DIP2C: variants seen among roughly 807,000 people sequenced by gnomAD.
DIP2C encodes the protein DIP2 acetate--CoA ligase C (putative).
A neutral mutation model predicts 192.4 loss-of-function variants in DIP2C; 33 were observed. The ratio of observed to expected loss-of-function variants is 0.17; its 90% CI spans 0.13 to 0.23. The LOEUF is 0.23. Ranked by LOEUF, DIP2C falls within the 10% of genes least tolerant of loss-of-function variation. DIP2C has a pLI of 1.00. For missense variants in DIP2C, 1,537 were observed against 2,110.1 expected (o/e 0.73, Z 5.32); for synonymous variants, 979 against 864.1 (o/e 1.13, Z -2.33).
intron 17 of DIP2C, among the ~76,000 whole-genome samples, chr10:378,550 C>T (rs1961926862): frequency 6.6e-6 from 1 of 151,734 alleles, no homozygotes; most frequent in African/African-American, 2.4e-5. Flanking sequence ...TGAACACATG[C>T]AGACACGTGA....
chr10:675,104 G>A (rs1830827748), intron 1 of DIP2C, among the ~76,000 whole-genome samples: 2 of 151,974 alleles, frequency 1.3e-5, no homozygotes, highest in African/African-American at 4.8e-5. Flanking sequence ...TTCTCAGACT[G>A]TAACAGAATA....
intron 1 of DIP2C, among the ~76,000 whole-genome samples, chr10:654,090 C>G (rs1046620289): frequency 1.3e-5 from 2 of 152,340 alleles, no homozygotes; most frequent in Middle Eastern, 3.4e-3. Flanking sequence ...AGCAGATGCA[C>G]GCACAGGCAG....
intron 29 of DIP2C, chr10:340,766 C>T (rs1564581657): frequency 2.2e-6 from 1 of 457,792 alleles, no homozygotes; most frequent in Non-Finnish European, 4.4e-6. Context: ...ACGCTCAGCC[C>T]TCGTGGACTC....
At chr10:306,802 C>A (rs1956345572) in intron 32 of DIP2C, among the ~76,000 whole-genome samples, 1 of 152,246 alleles carries the variant, frequency 6.6e-6, no homozygotes, top group Admixed American at 6.5e-5. Context: ...CTGCCCCAGT[C>A]TGGCTCTTCA....
intron 1 of DIP2C, among the ~76,000 whole-genome samples, chr10:622,841 A>C (rs914992692): frequency 3.3e-5 from 5 of 152,184 alleles, no homozygotes; most frequent in Non-Finnish European, 5.9e-5. Flanking sequence ...AAACTACTAG[A>C]TCAAGAGCTG....
intron 1 of DIP2C, among the ~76,000 whole-genome samples, chr10:677,379 C>T (rs1170385120): frequency 1.3e-5 from 2 of 152,200 alleles, no homozygotes; most frequent in African/African-American, 4.8e-5. Context: ...CTTACATTTA[C>T]TCCAACTGCC....
intron 4 of DIP2C, among the ~76,000 whole-genome samples, chr10:424,572 GC>G (rs1325476343): frequency 6.6e-6 from 1 of 151,812 alleles, no homozygotes; most frequent in Non-Finnish European, 1.5e-5. Context: ...CACCATGCTG[GC>G]CAGGCTGGTC....
chr10:321,685 C>G (rs1440791594), intron 31 of DIP2C, among the ~76,000 whole-genome samples: 1 of 15,850 alleles, frequency 6.3e-5, no homozygotes, highest in African/African-American at 4.5e-4. Flanking sequence ...GTGCGGGGCT[C>G]CGGCGAGAGA....
chr10:284,862 CAATT>C (rs1275049730), intron 34 of DIP2C, among the ~76,000 whole-genome samples: 1 of 152,114 alleles, frequency 6.6e-6, no homozygotes, highest in Admixed American at 6.5e-5. Flanking sequence ...ATAACTTTCT[CAATT>C]AACCTCATAA....
chr10:688,328 C>T (rs1478832287), intron 1 of DIP2C, among the ~76,000 whole-genome samples: 2 of 152,162 alleles, frequency 1.3e-5, no homozygotes, highest in Non-Finnish European at 2.9e-5. Context: ...TACCATTTCC[C>T]GTCCCCAGAA....
chr10:440,508 G>C (rs1967642771), intron 4 of DIP2C, among the ~76,000 whole-genome samples: 1 of 152,166 alleles, frequency 6.6e-6, no homozygotes, highest in Non-Finnish European at 1.5e-5. Flanking sequence ...TTTATATGAA[G>C]ATTTGAGAAC....
chr10:393,090 T>TGGC (rs932512451), intron 10 of DIP2C, among the ~76,000 whole-genome samples: 1 of 151,996 alleles, frequency 6.6e-6, no homozygotes, highest in African/African-American at 2.4e-5. Flanking sequence ...CTTGGAAAGG[T>TGGC]GGCGTCGGCC....
rs545167922 is a variant in DIP2C, at chr10:579,552, T to A, written c.86-93022A>T. On this transcript the variant is annotated intron_variant, in intron 1 of 36. Coordinates refer to ENST00000280886, the MANE Select transcript of DIP2C (RefSeq NM_014974.3). ...CACATCCAGATCCATAAAGTGTACA[T>A]ACATAGGTACACTATAACACATGCG... Among the ~76,000 whole-genome samples, 4 of 152,054 alleles carry A rather than the reference T, an allele frequency of 2.6e-5. No homozygotes were observed. In the South Asian group the frequency reaches 8.3e-4, roughly 31 times the overall value.
At chr10:346,678 G>C (rs1220505747) in intron 26 of DIP2C, among the ~76,000 whole-genome samples, 102 of 115,898 alleles carry the variant, frequency 8.8e-4, no homozygotes, top group Non-Finnish European at 1.3e-3. Context: ...TCCCGGAAAC[G>C]TCACACACAC....
chr10:626,854 C>T (rs572323318), intron 1 of DIP2C, among the ~76,000 whole-genome samples: 87 of 152,348 alleles, frequency 5.7e-4, no homozygotes, highest in Non-Finnish European at 1.1e-3. Context: ...TTCACTACAA[C>T]TGTTTGGACC....
intron 7 of DIP2C, among the ~76,000 whole-genome samples, chr10:414,707 ATGTGTGTGTGTGTG>A (rs71199933): frequency 1.3e-3 from 60 of 47,826 alleles, no homozygotes; most frequent in African/African-American, 4.5e-3. Flanking sequence ...GTGTGTATGT[ATGTGTGTGTGTGTG>A]TGTGTGTGTG....
rs772854833 is a variant in DIP2C, at chr10:286,302, C to CTT, written c.4088_4089dup (p.Gly1364LysfsTer41). On this transcript the variant is annotated frameshift_variant, in exon 34 of 37. Coordinates refer to ENST00000280886, the MANE Select transcript of DIP2C (RefSeq NM_014974.3). LOFTEE classifies it high-confidence loss of function. Reference sequence around the variant, plus strand: ...CCAAGGTGTGAGTCCCCCAGCGGTCCTTTTGTTTCTGGGTTGGCAATTATA... The same window carrying CTT: ...CCAAGGTGTGAGTCCCCCAGCGGTCCTTTTTTGTTTCTGGGTTGGCAATTATA... 1 of 1,613,976 alleles carries CTT rather than the reference C, an allele frequency of 6.2e-7. No homozygotes were observed. Among genetic ancestry groups the CTT allele is most frequent in the African/African-American group, 1.3e-5 (1 of 74,884 alleles).
intron 1 of DIP2C, among the ~76,000 whole-genome samples, chr10:543,257 A>T (rs1020289459): frequency 1.3e-5 from 2 of 152,196 alleles, no homozygotes; most frequent in Middle Eastern, 6.3e-3. Context: ...CTCTGCCTTC[A>T]CCAGCTTTGT....
At position 508,314 on chromosome 10, in the gene DIP2C, G is replaced by A. The variant is rs536185297; in HGVS notation, c.86-21784C>T. On this transcript the variant is annotated intron_variant, in intron 1 of 36. Transcript: ENST00000280886. ...TCTCCGGTGCCCGTGCAGCCTGGGCGCAGATCCACAGGCTCAGAGTGCCCA... is the reference window on the plus strand; with the variant it reads ...TCTCCGGTGCCCGTGCAGCCTGGGCACAGATCCACAGGCTCAGAGTGCCCA... 6.4e-4 allele frequency among the ~76,000 whole-genome samples: 98 copies of A among 152,262 alleles called. No individual in the cohort carries two copies. In the South Asian group the frequency reaches 0.014, roughly 21 times the overall value.
Sources: allele counts gnomAD v4.1 joint callset (sites outside exome capture counted in the v4.1 genomes callset), GRCh38; gene constraint gnomAD v4.1.1; transcripts MANE v1.5; gene names NCBI Gene and HGNC (gene_info 2026-07-23, HGNC 2026-07-21).